TDRD7: variants seen among roughly 807,000 people sequenced by gnomAD.
TDRD7 encodes tudor domain-containing protein 7.
A neutral mutation model predicts 109.8 loss-of-function variants in TDRD7; 47 were observed. The ratio of observed to expected loss-of-function variants is 0.43; its 90% CI spans 0.34 to 0.55. The LOEUF is 0.55. TDRD7 is among the 20% of genes least tolerant of loss of function. TDRD7 has a pLI of 0.03. For synonymous variants in TDRD7, 424 were observed against 457.3 expected, an observed-to-expected ratio of 0.93 and a Z score of 0.93; for missense variants, 1,164 against 1,319.2, an observed-to-expected ratio of 0.88 and a Z score of 1.82.
chr9:97,450,528 C>A (rs962712237), intron 6 of TDRD7, among the ~76,000 whole-genome samples: 14 of 152,108 alleles, frequency 9.2e-5, no homozygotes, highest in African/African-American at 3.4e-4. Context: ...TTTGTGAAGA[C>A]CATAAGATGG....
At position 97,412,405 on chromosome 9, in the gene TDRD7, C is replaced by T. The variant is rs892361116; in HGVS notation, c.-7+167C>T. 1.3e-5 allele frequency among the ~76,000 whole-genome samples: 2 copies of T among 152,162 alleles called. No individual in the cohort carries two copies. The highest frequency in any genetic ancestry group is 4.8e-5 in the African/African-American group (2 of 41,462). On this transcript the variant is annotated intron_variant, in intron 1 of 16. Coordinates refer to ENST00000355295, the MANE Select transcript of TDRD7 (RefSeq NM_014290.3). The surrounding 1 kb of genome is among the most constrained non-coding windows in gnomAD (Gnocchi z 4.3). ...TGCAGCCGCAGGGGATTGCCCCCGCCCCGACGCCTGGGAACCGGGCTGGGC... is the reference window on the plus strand; with the variant it reads ...TGCAGCCGCAGGGGATTGCCCCCGCTCCGACGCCTGGGAACCGGGCTGGGC...
chr9:97,475,514 A>G (rs778770293), intron 12 of TDRD7, 45 bp downstream of exon 12: 2 of 1,307,162 alleles, frequency 1.5e-6, no homozygotes, highest in Non-Finnish European at 2.2e-6. Context: ...TTATTGTGAA[A>G]TATTTCAAAT....
intron 8 of TDRD7, among the ~76,000 whole-genome samples, chr9:97,469,174 A>C (rs187788267): frequency 6.6e-6 from 1 of 152,288 alleles, no homozygotes; most frequent in East Asian, 1.9e-4. Flanking sequence ...ACAGAATCTA[A>C]GTTGTAGGTG....
chr9:97,439,459 C>A (rs1201363190), intron 5 of TDRD7, 141 bp downstream of exon 5: 6 of 731,594 alleles, frequency 8.2e-6, no homozygotes, highest in African/African-American at 7.1e-5. Flanking sequence ...TGCTTTGCAT[C>A]ATGAATCAAA....
At chr9:97,416,239 G>C (rs538489535) in intron 1 of TDRD7, among the ~76,000 whole-genome samples, 2 of 152,168 alleles carry the variant, frequency 1.3e-5, no homozygotes, top group Non-Finnish European at 2.9e-5. Flanking sequence ...GGCAGGCAGG[G>C]GGAGGGAACT....
intron 1 of TDRD7, 113 bp from the exon 2 acceptor site, chr9:97,428,347 A>G (rs1215797624): frequency 6.6e-6 from 7 of 1,062,178 alleles, no homozygotes; most frequent in Non-Finnish European, 9.8e-6. Flanking sequence ...TTGTAATTGC[A>G]CAGAAAGTAT....
intron 5 of TDRD7, among the ~76,000 whole-genome samples, chr9:97,440,394 C>T (rs1587867497): frequency 6.6e-6 from 1 of 152,224 alleles, no homozygotes; most frequent in Non-Finnish European, 1.5e-5. Flanking sequence ...TTTGCAGACA[C>T]AGCTGTCGGT....
At chr9:97,484,560 A>G (rs1463451399) in intron 15 of TDRD7, among the ~76,000 whole-genome samples, 1 of 152,176 alleles carries the variant, frequency 6.6e-6, no homozygotes, top group East Asian at 1.9e-4. Context: ...TCTTTAAGAT[A>G]GCAAACATAG....
chr9:97,453,391 C>T (rs1455653903), intron 6 of TDRD7, among the ~76,000 whole-genome samples: 1 of 152,070 alleles, frequency 6.6e-6, no homozygotes, highest in African/African-American at 2.4e-5. Flanking sequence ...GGCAAGAAAG[C>T]TGACTAGAAG....
intron 8 of TDRD7, 91 bp downstream of exon 8, chr9:97,465,119 ATGT>A (rs1564208022): frequency 1.4e-6 from 2 of 1,454,990 alleles, no homozygotes; most frequent in Admixed American, 2.1e-5. Context: ...TGAAATTTAA[ATGT>A]TGTATCCTAT....
chr9:97,464,849 G>C lies in TDRD7; in HGVS notation c.1450G>C (p.Gly484Arg), dbSNP rs753208423. Reference sequence around the variant, plus strand: ...TTCTTTTAACTGATTCAGGTATGTGGGCAAAGACTATTCTGCTGCTCAGGA... The same window carrying C: ...TTCTTTTAACTGATTCAGGTATGTGCGCAAAGACTATTCTGCTGCTCAGGA... ...NTNEVVIRYV[G>R]KDYSAAQELM... Residue 484 changes from glycine to arginine, a missense_variant, in exon 8 of 17, where the codon GGC becomes CGC. Around this residue, in one of 5 missense-constraint regions of TDRD7, gnomAD observed 261 missense variants for 336.2 expected, o/e 0.78. Coordinates refer to ENST00000355295, the MANE Select transcript of TDRD7 (RefSeq NM_014290.3). 6.2e-7 allele frequency: 1 copy of C among 1,614,074 alleles called. No homozygotes were observed. The highest frequency in any genetic ancestry group is 8.5e-7 in the Non-Finnish European group (1 of 1,179,986).
At chr9:97,420,914 C>T (rs984907786) in intron 1 of TDRD7, among the ~76,000 whole-genome samples, 8 of 152,232 alleles carry the variant, frequency 5.3e-5, no homozygotes, top group African/African-American at 1.9e-4. Context: ...GGGTGGATCA[C>T]CTGAGGTCAG....
Position 97,432,035 on chromosome 9 carries a change from A to G in TDRD7, c.360A>G (p.Lys120=). Residue 120 remains lysine, a synonymous_variant, in exon 4 of 17, where the codon AAA becomes AAG. Transcript: ENST00000355295. The stretch of plus-strand genomic sequence containing the variant: ...TGCCTAACTTCATAGGAAAACCAAA[A>G]GCAACCCTCAGACAACCAGGATTTG... ...TMPFFLEGKP[K]ATLRQPGFAS... 1 of 1,613,782 alleles carries G rather than the reference A, an allele frequency of 6.2e-7. No homozygotes were observed. Among genetic ancestry groups the G allele is most frequent in the South Asian group, 1.1e-5 (1 of 91,082 alleles).
intron 8 of TDRD7, among the ~76,000 whole-genome samples, chr9:97,469,678 G>A (rs568230189): frequency 2.0e-5 from 3 of 152,068 alleles, no homozygotes; most frequent in African/African-American, 7.2e-5. Context: ...TGCATATTAG[G>A]TTTTCAACAT....
intron 12 of TDRD7, among the ~76,000 whole-genome samples, chr9:97,477,526 A>G (rs917267507): frequency 6.6e-6 from 1 of 152,176 alleles, no homozygotes; most frequent in Non-Finnish European, 1.5e-5. Context: ...TTCTTAGTGT[A>G]TGTCCAAATA....
At chr9:97,436,020 A>AC (rs1828190138) in intron 4 of TDRD7, among the ~76,000 whole-genome samples, 1 of 152,140 alleles carries the variant, frequency 6.6e-6, no homozygotes, top group Non-Finnish European at 1.5e-5. Context: ...AGATTCATGA[A>AC]CCCCCAAAGC....
At chr9:97,413,324 G>A (rs1827754492) in intron 1 of TDRD7, among the ~76,000 whole-genome samples, 1 of 152,114 alleles carries the variant, frequency 6.6e-6, no homozygotes, top group Non-Finnish European at 1.5e-5. Flanking sequence ...TTGAAATCTG[G>A]GCTTCTCATT....
rs766611857 is a variant in TDRD7 at position 97,495,973 on chromosome 9, T to C, written c.*90T>C. On this transcript the variant is annotated 3_prime_UTR_variant, in exon 17 of 17. Transcript: ENST00000355295. ...TAAAAAAAATCTTAACTCTGCTACA[T>C]GGCTCTGACTGCTGTGGGGGATTGA... 4.0e-5 allele frequency: 38 copies of C among 957,804 alleles called. No homozygotes were observed. The highest frequency in any genetic ancestry group is 6.2e-5 in the Non-Finnish European group (37 of 594,424). 59.3% of individuals were successfully genotyped at this position (957,804 alleles called of 1,614,324 possible). A position where few individuals can be genotyped will look rare whatever the true frequency, so the allele number is the denominator to read the frequency against.
At chr9:97,426,146 G>T (rs1827990491) in intron 1 of TDRD7, among the ~76,000 whole-genome samples, 2 of 152,322 alleles carry the variant, frequency 1.3e-5, no homozygotes, top group South Asian at 4.1e-4. Context: ...GTCAGTGAGT[G>T]AATGGTGAAT....
Sources: allele counts gnomAD v4.1 joint callset (sites outside exome capture counted in the v4.1 genomes callset), GRCh38; gene constraint gnomAD v4.1.1; regional missense constraint gnomAD v4.1.1; non-coding constraint Gnocchi (gnomAD v3.1); transcripts MANE v1.5; gene names NCBI Gene and HGNC (gene_info 2026-07-23, HGNC 2026-07-21).